The following HDAC4 variants were observed in gnomAD, a reference collection of about 807,000 sequenced individuals.
The protein encoded by HDAC4 is histone deacetylase A.
Under a neutral mutation model 135.1 loss-of-function variants are expected in HDAC4, and 16 were observed. That is an observed-to-expected ratio of 0.12 (90% CI 0.08 to 0.18). HDAC4 has a LOEUF of 0.18. Among genes scored for constraint, HDAC4 ranks in the 10% least tolerant of loss-of-function variants. The pLI is 1.00. For missense variants in HDAC4, 1,143 were observed against 1,511.8 expected, an observed-to-expected ratio of 0.76 and a Z score of 4.05; for synonymous variants, 685 against 653.4, an observed-to-expected ratio of 1.05 and a Z score of -0.74.
chr2:239,229,706 G>A (rs2047431578), intron 3 of HDAC4, among the ~76,000 whole-genome samples: 1 of 152,172 alleles, frequency 6.6e-6, no homozygotes. Context: ...TAGGCAGACT[G>A]AAAGGTTTTC....
chr2:239,385,733 G>A (rs1575791988), intron 1 of HDAC4, among the ~76,000 whole-genome samples: 1 of 152,194 alleles, frequency 6.6e-6, no homozygotes, highest in East Asian at 1.9e-4. Context: ...CTGCAGCCTC[G>A]TCCATTACTC....
intron 5 of HDAC4, among the ~76,000 whole-genome samples, chr2:239,164,960 C>T (rs2043036981): frequency 6.6e-6 from 1 of 152,224 alleles, no homozygotes; most frequent in African/African-American, 2.4e-5. Flanking sequence ...CGAAGGCTCA[C>T]ACCTGGAATC....
intron 2 of HDAC4, among the ~76,000 whole-genome samples, chr2:239,329,480 A>G (rs2125810509): frequency 7.4e-6 from 1 of 135,012 alleles, no homozygotes; most frequent in East Asian, 2.8e-4. Context: ...GCTCCTCTCC[A>G]GCTTTCTGCA....
rs2049717527 is a variant in HDAC4 at position 239,266,191 on chromosome 2, A to G, written c.23-29527T>C. On this transcript the variant is annotated intron_variant, in intron 2 of 26. Transcript: ENST00000543185. ...TGCCATAGCCCCTCGCCGGCATCCC[A>G]GCACAGTGCCCGAGGCAGGGAGCCC... 2.0e-5 allele frequency among the ~76,000 whole-genome samples: 3 copies of G among 152,310 alleles called. No homozygotes were observed. In the South Asian group the frequency reaches 6.2e-4, roughly 32 times the overall value.
chr2:239,357,661 AT>A (rs1444337829), intron 1 of HDAC4, among the ~76,000 whole-genome samples: 1 of 151,276 alleles, frequency 6.6e-6, no homozygotes, highest in East Asian at 1.9e-4. Flanking sequence ...AGGTGGGGGG[AT>A]TGCTTGAGCT....
At chr2:239,380,870 C>T (rs970027326) in intron 1 of HDAC4, among the ~76,000 whole-genome samples, 3 of 152,128 alleles carry the variant, frequency 2.0e-5, no homozygotes, top group African/African-American at 4.8e-5. Flanking sequence ...TCTCAGAAAA[C>T]GAGGGATGCC....
chr2:239,237,207 T>G (rs1198562761), intron 2 of HDAC4, among the ~76,000 whole-genome samples: 1 of 152,132 alleles, frequency 6.6e-6, no homozygotes, highest in Admixed American at 6.5e-5. Flanking sequence ...TTTAAATCCA[T>G]TTTTAGACTG....
At chr2:239,159,669 G>A (rs1467472487) in intron 6 of HDAC4, among the ~76,000 whole-genome samples, 1 of 151,470 alleles carries the variant, frequency 6.6e-6, no homozygotes, top group African/African-American at 2.4e-5. Flanking sequence ...GCTAACCCCG[G>A]CCACAGCCCA....
At position 239,095,279 on chromosome 2, in the gene HDAC4, TG is replaced by T. The variant is rs10715561; in HGVS notation, c.2234-224del. On this transcript the variant is annotated intron_variant, in intron 16 of 26. Coordinates refer to ENST00000543185, the MANE Select transcript of HDAC4 (RefSeq NM_001378414.1). ...GAGGGCTGAGCTGGGTCACAGACCCTGGTGGGGACACCTCAAATTGTTGTGG... is the reference window on the plus strand; with the variant it reads ...GAGGGCTGAGCTGGGTCACAGACCCTGTGGGGACACCTCAAATTGTTGTGG... Among the ~76,000 whole-genome samples, 32,098 of 152,150 alleles carry T rather than the reference TG, an allele frequency of 0.21. 3,573 individuals carry two copies. Among genetic ancestry groups the T allele is most frequent in the East Asian group, 0.31 (1,578 of 5,164 alleles).
intron 2 of HDAC4, among the ~76,000 whole-genome samples, chr2:239,271,311 A>G (rs559869628): frequency 6.6e-6 from 1 of 152,254 alleles, no homozygotes; most frequent in East Asian, 1.9e-4. Context: ...TAGGGGTTTG[A>G]GAAGGGGTTT....
chr2:239,377,462 A>G (rs1205969496), intron 1 of HDAC4, among the ~76,000 whole-genome samples: 1 of 152,136 alleles, frequency 6.6e-6, no homozygotes, highest in African/African-American at 2.4e-5. Flanking sequence ...TCTGCCACCA[A>G]TGGGCCTCTC....
At chr2:239,171,028 C>A in intron 5 of HDAC4, among the ~76,000 whole-genome samples, 1 of 152,192 alleles carries the variant, frequency 6.6e-6, no homozygotes, top group East Asian at 1.9e-4. Context: ...GAAACTTGGC[C>A]ACTTCTGGTC....
chr2:239,134,183 G>C, intron 11 of HDAC4, 62 bp downstream of exon 11: 2 of 1,386,438 alleles, frequency 1.4e-6, no homozygotes, highest in South Asian at 2.3e-5. Context: ...GCGAAGGCGG[G>C]GCACCATCCA....
At chr2:239,164,680 A>G (rs895699630) in intron 5 of HDAC4, among the ~76,000 whole-genome samples, 3 of 152,240 alleles carry the variant, frequency 2.0e-5, no homozygotes, top group African/African-American at 7.2e-5. Flanking sequence ...CTAGTGTTGC[A>G]TAATATTCAG....
chr2:239,105,411 C>T (rs1226062620), intron 15 of HDAC4, among the ~76,000 whole-genome samples: 1 of 152,230 alleles, frequency 6.6e-6, no homozygotes, highest in East Asian at 1.9e-4. Flanking sequence ...CATGGCTATA[C>T]TCAGAGGACC....
At chr2:239,300,070 CCTCT>C (rs1407758138) in intron 2 of HDAC4, among the ~76,000 whole-genome samples, 4 of 152,158 alleles carry the variant, frequency 2.6e-5, no homozygotes. Flanking sequence ...CTAGGGCGTC[CCTCT>C]CTCTAACACA....
At chr2:239,335,814 A>G (rs1691900401) in intron 2 of HDAC4, among the ~76,000 whole-genome samples, 1 of 152,254 alleles carries the variant, frequency 6.6e-6, no homozygotes, top group Non-Finnish European at 1.5e-5. Flanking sequence ...TGGCAAGGAC[A>G]GAGCAACATT....
chr2:239,234,816 A>C (rs1375648230), intron 3 of HDAC4, among the ~76,000 whole-genome samples: 1 of 152,130 alleles, frequency 6.6e-6, no homozygotes, highest in Non-Finnish European at 1.5e-5. Flanking sequence ...CAGAATATTA[A>C]TTTGAAGCCC....
chr2:239,271,776 G>T (rs1016295300), intron 2 of HDAC4, among the ~76,000 whole-genome samples: 1 of 152,184 alleles, frequency 6.6e-6, no homozygotes, highest in Admixed American at 6.5e-5. Flanking sequence ...CACATTCAGA[G>T]TCCCTGATGG....
Sources: gnomAD v4.1 joint callset for allele counts (sites outside exome capture counted in the v4.1 genomes callset) on GRCh38, gnomAD v4.1.1 for gene constraint, MANE v1.5 for transcripts, NCBI Gene and HGNC (gene_info 2026-07-23, HGNC 2026-07-21) for gene names.